EYS: variants seen among roughly 807,000 people sequenced by gnomAD.
EYS encodes the protein protein eyes shut homolog.
In EYS, 250 loss-of-function variants were observed where a neutral mutation model predicts 282.1. That is an observed-to-expected ratio of 0.89 (90% CI 0.80 to 0.98). The LOEUF (loss-of-function observed/expected upper bound fraction) is 0.98, where lower values mean the gene tolerates loss of function less well. EYS is among the 50% of genes least tolerant of loss of function. EYS has a pLI of 0.00. For synonymous variants in EYS, 1,355 were observed against 1,282.9 expected, an observed-to-expected ratio of 1.06 and a Z score of -1.20; for missense variants, 4,016 against 3,709.0, an observed-to-expected ratio of 1.08 and a Z score of -2.15.
chr6:65,517,411 C>G (rs1486649283), intron 2 of EYS, among the ~76,000 whole-genome samples: 1 of 151,418 alleles, frequency 6.6e-6, no homozygotes, highest in Non-Finnish European at 1.5e-5. Flanking sequence ...TCTTACTCTA[C>G]CTGAATTCAT....
At chr6:64,249,398 G>C (rs1157518146) in intron 30 of EYS, among the ~76,000 whole-genome samples, 3 of 152,090 alleles carry the variant, frequency 2.0e-5, no homozygotes, top group African/African-American at 4.8e-5. Flanking sequence ...AAGTTGGAGG[G>C]GGGTGGATGA....
intron 5 of EYS, among the ~76,000 whole-genome samples, chr6:65,463,152 A>G (rs1299164565): frequency 6.6e-6 from 1 of 152,014 alleles, no homozygotes; most frequent in East Asian, 1.9e-4. Flanking sequence ...GGTCAAAATT[A>G]AAGTCTTTCA....
At chr6:65,244,981 G>T (rs1250057326) in intron 12 of EYS, among the ~76,000 whole-genome samples, 1 of 152,132 alleles carries the variant, frequency 6.6e-6, no homozygotes, top group Non-Finnish European at 1.5e-5. Context: ...TTAGCACAAA[G>T]TTAATTTAAA....
At chr6:65,110,747 G>A (rs1422169351) in intron 12 of EYS, among the ~76,000 whole-genome samples, 2 of 152,018 alleles carry the variant, frequency 1.3e-5, no homozygotes, top group East Asian at 3.9e-4. Flanking sequence ...TGGAATGGAT[G>A]TAGCATTGTG....
chr6:64,519,592 A>C (rs1203959344), intron 26 of EYS, among the ~76,000 whole-genome samples: 1 of 151,798 alleles, frequency 6.6e-6, no homozygotes, highest in African/African-American at 2.4e-5. Flanking sequence ...AAAACAGAGG[A>C]AGGCACTCAA....
At chr6:64,047,769 G>A (rs1330819106) in intron 33 of EYS, among the ~76,000 whole-genome samples, 1 of 152,124 alleles carries the variant, frequency 6.6e-6, no homozygotes, top group Non-Finnish European at 1.5e-5. Context: ...TCACTTGCTT[G>A]GACAAACTAC....
At chr6:63,985,223 A>G (rs1767299931) in intron 34 of EYS, among the ~76,000 whole-genome samples, 1 of 151,730 alleles carries the variant, frequency 6.6e-6, no homozygotes, top group Non-Finnish European at 1.5e-5. Context: ...GCACACAGGA[A>G]TATTGCCATG....
chr6:64,385,284 C>T (rs925862730), intron 29 of EYS, among the ~76,000 whole-genome samples: 3 of 152,096 alleles, frequency 2.0e-5, no homozygotes, highest in Non-Finnish European at 4.4e-5. Flanking sequence ...TGGTATATAG[C>T]AATATAAGTG....
intron 5 of EYS, among the ~76,000 whole-genome samples, chr6:65,462,286 G>C (rs765354535): frequency 6.6e-6 from 1 of 152,090 alleles, no homozygotes; most frequent in Non-Finnish European, 1.5e-5. Context: ...GAACAGATGA[G>C]TGATTGGTAG....
chr6:64,051,033 G>A (rs1265208761), intron 33 of EYS, among the ~76,000 whole-genome samples: 1 of 152,150 alleles, frequency 6.6e-6, no homozygotes, highest in Non-Finnish European at 1.5e-5. Flanking sequence ...TAGATTATCT[G>A]GTAGCTGATA....
intron 26 of EYS, among the ~76,000 whole-genome samples, chr6:64,502,677 T>A (rs1047407119): frequency 2.0e-5 from 3 of 152,184 alleles, no homozygotes; most frequent in African/African-American, 7.2e-5. Flanking sequence ...TTATTTGTTT[T>A]TCTCTGCTAT....
At chr6:64,948,151 C>T (rs1302173214) in intron 14 of EYS, among the ~76,000 whole-genome samples, 8 of 149,956 alleles carry the variant, frequency 5.3e-5, no homozygotes, top group Non-Finnish European at 1.2e-4. Flanking sequence ...GAACTATATA[C>T]AAAAAGAAAA....
At chr6:64,576,238 A>C (rs1765875320) in intron 26 of EYS, among the ~76,000 whole-genome samples, 1 of 152,122 alleles carries the variant, frequency 6.6e-6, no homozygotes, top group Admixed American at 6.6e-5. Flanking sequence ...CGCCAAAATC[A>C]TGTAAGCAAC....
At chr6:65,213,151 A>C (rs1766216303) in intron 12 of EYS, among the ~76,000 whole-genome samples, 2 of 152,142 alleles carry the variant, frequency 1.3e-5, no homozygotes, top group Admixed American at 1.3e-4. Context: ...AAACTGAACA[A>C]AATATGTGAC....
chr6:65,340,919 A>T (rs1158154477), intron 10 of EYS, among the ~76,000 whole-genome samples: 1 of 151,128 alleles, frequency 6.6e-6, no homozygotes, highest in East Asian at 2.0e-4. Context: ...AGACCACTGG[A>T]TATTCTCTCC....
At chr6:65,622,669 T>C (rs1314490939) in intron 2 of EYS, among the ~76,000 whole-genome samples, 1 of 152,122 alleles carries the variant, frequency 6.6e-6, no homozygotes, top group Non-Finnish European at 1.5e-5. Flanking sequence ...CAGACTATCA[T>C]TGTTAAGATT....
At chr6:65,657,307 A>G (rs1767861014) in intron 1 of EYS, among the ~76,000 whole-genome samples, 1 of 151,872 alleles carries the variant, frequency 6.6e-6, no homozygotes. Flanking sequence ...AATAAATTTC[A>G]TAAGGCTACA....
intron 12 of EYS, among the ~76,000 whole-genome samples, chr6:65,237,228 T>C (rs1766950569): frequency 6.6e-6 from 1 of 152,198 alleles, no homozygotes; most frequent in South Asian, 2.1e-4. Context: ...TCACTATAAC[T>C]GTTTTTGCAT....
At chr6:65,587,848 T>G (rs562738555) in intron 2 of EYS, among the ~76,000 whole-genome samples, 6 of 152,198 alleles carry the variant, frequency 3.9e-5, no homozygotes, top group African/African-American at 1.4e-4. Context: ...ATAACCAACT[T>G]ATTATAGTTG....
Sources: gnomAD v4.1 joint callset for allele counts (sites outside exome capture counted in the v4.1 genomes callset) on GRCh38, gnomAD v4.1.1 for gene constraint, MANE v1.5 for transcripts, NCBI Gene and HGNC (gene_info 2026-07-23, HGNC 2026-07-21) for gene names.